The following NEDD1 variants were observed in gnomAD, a reference collection of about 807,000 sequenced individuals.
The protein encoded by NEDD1 is protein NEDD1.
NEDD1 carries 33 observed loss-of-function variants against 74.0 expected under a neutral mutation model. That is an observed-to-expected ratio of 0.45 (90% CI 0.34 to 0.60). NEDD1 has a LOEUF of 0.60. Ranked by LOEUF, NEDD1 falls within the 20% of genes least tolerant of loss-of-function variation. NEDD1 has a pLI of 0.01. For missense variants in NEDD1, 746 were observed against 776.5 expected (o/e 0.96, Z 0.47); for synonymous variants, 250 against 264.4 (o/e 0.95, Z 0.53).
At chr12:96,915,694 G>C (rs1047393767) in intron 4 of NEDD1, among the ~76,000 whole-genome samples, 1 of 152,176 alleles carries the variant, frequency 6.6e-6, no homozygotes, top group African/African-American at 2.4e-5. Context: ...GTTCTGTATA[G>C]CATAGTTACT....
At position 96,907,272 on chromosome 12, in the gene NEDD1, G is replaced by T. The variant is rs1042826764; in HGVS notation, c.-290G>T. The T allele has an allele frequency of 8.1e-6, 2 of 246,776 alleles. No homozygotes were observed. Among genetic ancestry groups the T allele is most frequent in the South Asian group, 1.3e-4 (1 of 7,810 alleles). 15.3% of individuals were successfully genotyped at this position (246,776 alleles called of 1,614,324 possible). A position where few individuals can be genotyped will look rare whatever the true frequency, so the allele number is the denominator to read the frequency against. On this transcript the variant is annotated 5_prime_UTR_variant, in exon 1 of 16. Coordinates refer to ENST00000266742, the MANE Select transcript of NEDD1 (RefSeq NM_152905.4). The stretch of plus-strand genomic sequence containing the variant: ...CCGGAAGCCCAGCGCGGAGCCGGCC[G>T]CGGCCCCCTGTTGTGTTGCTGCGGA...
intron 3 of NEDD1, among the ~76,000 whole-genome samples, chr12:96,910,827 G>C (rs985390705): frequency 1.3e-5 from 2 of 152,042 alleles, no homozygotes; most frequent in East Asian, 3.8e-4. Flanking sequence ...AAACTCATAC[G>C]CTATTTCTTA....
intron 6 of NEDD1, among the ~76,000 whole-genome samples, chr12:96,931,076 G>A (rs965350608): frequency 1.3e-5 from 2 of 152,192 alleles, no homozygotes; most frequent in Non-Finnish European, 2.9e-5. Context: ...ATTTGTGCTT[G>A]ATGTAAGGCC....
At chr12:96,951,378 C>T (rs892471097) in intron 14 of NEDD1, 54 bp from the exon 15 acceptor site, 1 of 984,888 alleles carries the variant, frequency 1.0e-6, no homozygotes, top group Admixed American at 2.1e-5. Flanking sequence ...TCTTGAATGA[C>T]CTAGAATTGG....
At chr12:96,919,942 AG>A in intron 5 of NEDD1, 42 bp from the exon 6 acceptor site, 1 of 1,451,820 alleles carries the variant, frequency 6.9e-7, no homozygotes, top group Non-Finnish European at 9.5e-7. Flanking sequence ...GGGCTGTTCG[AG>A]GATTATGGGG....
rs1785979238 is a variant in NEDD1, at chr12:96,953,360, G to C, written c.*1307G>C. The C allele has an allele frequency of 6.6e-6, 1 of 151,656 alleles. No homozygotes were observed. Among genetic ancestry groups the C allele is most frequent in the South Asian group, 2.1e-4 (1 of 4,826 alleles). The allele number at this position is 151,656 out of a possible 1,614,324, so 9.4% of individuals were successfully genotyped here. ...CAGGAATATTACTTTTACCCAGTGT[G>C]GTTTATAGCATACATTTGTACTGAA... On this transcript the variant is annotated 3_prime_UTR_variant, in exon 16 of 16. Coordinates refer to ENST00000266742, the MANE Select transcript of NEDD1 (RefSeq NM_152905.4).
chr12:96,914,382 A>G lies in NEDD1; in HGVS notation c.231+1565A>G, dbSNP rs1032692161. Among the ~76,000 whole-genome samples, 9 of 152,244 alleles carry G rather than the reference A, an allele frequency of 5.9e-5. 1 individual carries two copies. In the South Asian group the frequency reaches 1.7e-3, roughly 28 times the overall value. ...TTTACAAGTGTGACATAATTCTAAG[A>G]GTTTTGTGAATATTCCAAATTAGTT... On this transcript the variant is annotated intron_variant, in intron 4 of 15. Coordinates refer to ENST00000266742, the MANE Select transcript of NEDD1 (RefSeq NM_152905.4).
At chr12:96,933,336 C>T (rs74888935) in intron 6 of NEDD1, among the ~76,000 whole-genome samples, 4,450 of 152,196 alleles carry the variant, frequency 0.029, 98 homozygotes, top group Non-Finnish European at 0.048. Context: ...ACTATATGAA[C>T]TCCTAAAGTG....
At chr12:96,934,307 A>G (rs756370852) in intron 6 of NEDD1, among the ~76,000 whole-genome samples, 2 of 151,854 alleles carry the variant, frequency 1.3e-5, no homozygotes, top group African/African-American at 2.4e-5. Context: ...ATTAATGTAG[A>G]TAATCTCAAT....
chr12:96,951,159 T>C (rs1465207853), intron 14 of NEDD1, among the ~76,000 whole-genome samples: 1 of 151,820 alleles, frequency 6.6e-6, no homozygotes, highest in Non-Finnish European at 1.5e-5. Flanking sequence ...GAACAAGTTA[T>C]ATCTACTCTG....
At chr12:96,943,070 A>G (rs1228521786) in intron 11 of NEDD1, among the ~76,000 whole-genome samples, 2 of 152,036 alleles carry the variant, frequency 1.3e-5, no homozygotes, top group African/African-American at 4.8e-5. Context: ...ACATCTCACT[A>G]CTTTTTCATA....
Position 96,912,810 on chromosome 12 carries a change from C to A in NEDD1, c.224C>A (p.Ala75Asp). 1 of 1,566,428 alleles carries A rather than the reference C, an allele frequency of 6.4e-7. No homozygotes were observed. The highest frequency in any genetic ancestry group is 8.7e-7 in the Non-Finnish European group (1 of 1,143,986). The change falls in exon 4 of 16, where the codon GCT (alanine) becomes GAT (aspartate). Residue 75 changes from alanine (A) to aspartate (D), a missense_variant. Physicochemically the swap from Ala to Asp is moderately radical, Grantham distance 126. Around this residue, in one of 3 missense-constraint regions of NEDD1, gnomAD observed 706 missense variants for 706.7 expected, o/e 1.00. Coordinates refer to ENST00000266742, the MANE Select transcript of NEDD1 (RefSeq NM_152905.4). ...KCKPVPLLEL[A>D]EGQKQTCVNL... is the part of the protein sequence containing the mutation. The stretch of plus-strand genomic sequence containing the variant: ...AAACCTGTTCCACTTTTAGAGCTTG[C>A]TGAAGGGGTAAGTGATTTTTTTTTT...
At chr12:96,947,565 ATT>A (rs1444903316) in intron 14 of NEDD1, among the ~76,000 whole-genome samples, 3 of 152,130 alleles carry the variant, frequency 2.0e-5, no homozygotes, top group African/African-American at 4.8e-5. Flanking sequence ...TTTATTACCC[ATT>A]TATTCAACAA....
intron 8 of NEDD1, 122 bp downstream of exon 8, chr12:96,936,934 TG>T: frequency 1.6e-6 from 1 of 635,884 alleles, no homozygotes; most frequent in Non-Finnish European, 2.6e-6. Flanking sequence ...TGATTTTACA[TG>T]TAATGTATAA....
At chr12:96,924,729 C>T (rs1875505452) in intron 6 of NEDD1, 3 of 358,610 alleles carry the variant, frequency 8.4e-6, no homozygotes, top group Admixed American at 3.9e-5. Context: ...GTAGTATTTA[C>T]AGTTTATAGA....
intron 7 of NEDD1, among the ~76,000 whole-genome samples, chr12:96,936,265 T>C (rs1877076338): frequency 1.3e-5 from 2 of 152,278 alleles, no homozygotes; most frequent in East Asian, 1.9e-4. Flanking sequence ...TCCTCAACCA[T>C]GAGGCCAGAG....
At chr12:96,946,615 C>A (rs1878222876) in intron 14 of NEDD1, among the ~76,000 whole-genome samples, 1 of 152,102 alleles carries the variant, frequency 6.6e-6, no homozygotes, top group South Asian at 2.1e-4. Context: ...TGGCATTTAC[C>A]CTACCTAGTA....
Position 96,907,807 on chromosome 12 carries a change from G to A in NEDD1, c.-58G>A. ...TAGCTTTCGACGGGACCGTCTTTGAGGGACTCATGTAAAGTCTCTCCCTTA... is the reference window on the plus strand; with the variant it reads ...TAGCTTTCGACGGGACCGTCTTTGAAGGACTCATGTAAAGTCTCTCCCTTA... On this transcript the variant is annotated 5_prime_UTR_variant, in exon 2 of 16. Coordinates refer to ENST00000266742, the MANE Select transcript of NEDD1 (RefSeq NM_152905.4). The A allele has an allele frequency of 6.8e-7, 1 of 1,475,932 alleles. No individual in the cohort carries two copies. Among genetic ancestry groups the A allele is most frequent in the Non-Finnish European group, 9.0e-7 (1 of 1,113,140 alleles). The allele number at this position is 1,475,932 out of a possible 1,614,324, so 91.4% of individuals were successfully genotyped here. A position where few individuals can be genotyped will look rare whatever the true frequency, so the allele number is the denominator to read the frequency against.
chr12:96,942,089 C>G (rs942015002), intron 10 of NEDD1, among the ~76,000 whole-genome samples: 1 of 152,066 alleles, frequency 6.6e-6, no homozygotes, highest in African/African-American at 2.4e-5. Context: ...CATATTCTAC[C>G]ATGGAAATAA....
Sources: gnomAD v4.1 joint callset for allele counts (sites outside exome capture counted in the v4.1 genomes callset) on GRCh38, gnomAD v4.1.1 for gene constraint, gnomAD v4.1.1 regional missense constraint, MANE v1.5 for transcripts, NCBI Gene and HGNC (gene_info 2026-07-23, HGNC 2026-07-21) for gene names.